The following BPHL variants were observed in gnomAD, a reference collection of about 807,000 sequenced individuals.
The protein encoded by BPHL is serine hydrolase BPHL.
Under a neutral mutation model 31.2 loss-of-function variants are expected in BPHL, and 27 were observed. The observed-to-expected ratio is 0.87, with a 90% confidence interval of 0.64 to 1.19. The LOEUF is 1.19. Ranked by LOEUF, BPHL falls within the 50% of genes most tolerant of loss-of-function variation. BPHL has a pLI of 0.00. For synonymous variants in BPHL, 150 were observed against 146.8 expected, an observed-to-expected ratio of 1.02 and a Z score of -0.16; for missense variants, 356 against 375.7, an observed-to-expected ratio of 0.95 and a Z score of 0.43.
upstream of BPHL, chr6:3,118,624 G>A (rs1158568037): frequency 7.2e-6 from 5 of 696,930 alleles, no homozygotes; most frequent in Admixed American, 4.4e-5. Context: ...AGAGGGCGGA[G>A]CAGGATGGAG....
At chr6:3,135,903 G>T (rs1261735274) in intron 4 of BPHL, among the ~76,000 whole-genome samples, 1 of 152,196 alleles carries the variant, frequency 6.6e-6, no homozygotes, top group Non-Finnish European at 1.5e-5. Flanking sequence ...ATCATACCAG[G>T]TTGGGGCCAT....
intron 6 of BPHL, among the ~76,000 whole-genome samples, chr6:3,141,968 G>A (rs992653733): frequency 4.0e-5 from 6 of 151,840 alleles, no homozygotes; most frequent in Non-Finnish European, 7.4e-5. Flanking sequence ...GTGAGACTCC[G>A]TCTCAGAAAT....
At chr6:3,144,319 G>A (rs946467997) in intron 6 of BPHL, among the ~76,000 whole-genome samples, 2 of 151,362 alleles carry the variant, frequency 1.3e-5, no homozygotes, top group South Asian at 2.1e-4. Context: ...CACCCGCCTC[G>A]GCCTCCCAAA....
rs746715990 is a variant in BPHL at position 3,152,596 on chromosome 6, G to T, written c.*21G>T. On this transcript the variant is annotated 3_prime_UTR_variant, in exon 7 of 7. Transcript: ENST00000380379. ...AATGAGAATGCACACTCCAGTCTTG[G>T]TGGTTCCTTCGTGTGGGGCTTGATC... 1.2e-6 allele frequency: 2 copies of T among 1,603,388 alleles called. No individual in the cohort carries two copies. The highest frequency in any genetic ancestry group is 1.7e-6 in the Non-Finnish European group (2 of 1,173,468).
chr6:3,131,641 C>CTGG (rs2113756286), intron 4 of BPHL, among the ~76,000 whole-genome samples: 1 of 152,340 alleles, frequency 6.6e-6, no homozygotes, highest in East Asian at 1.9e-4. Flanking sequence ...TGCAGTTTGG[C>CTGG]TGGCCCCTCC....
intron 2 of BPHL, among the ~76,000 whole-genome samples, chr6:3,125,309 T>C (rs1056261798): frequency 6.6e-6 from 1 of 152,148 alleles, no homozygotes; most frequent in African/African-American, 2.4e-5. Context: ...CCTCCCAAAA[T>C]GCTGGGATTA....
chr6:3,131,204 C>T (rs1044420220), intron 4 of BPHL, among the ~76,000 whole-genome samples: 2 of 152,146 alleles, frequency 1.3e-5, no homozygotes, highest in East Asian at 3.9e-4. Flanking sequence ...AGGGATCCTC[C>T]TTTCCTTCCT....
intron 5 of BPHL, chr6:3,139,302 A>C (rs1324507470): frequency 6.6e-6 from 1 of 152,264 alleles, no homozygotes; most frequent in Non-Finnish European, 1.5e-5. Context: ...AATGAGTTAA[A>C]ACATGTAACT....
At chr6:3,146,050 TTC>T in intron 6 of BPHL, among the ~76,000 whole-genome samples, 1 of 35,020 alleles carries the variant, frequency 2.9e-5, no homozygotes, top group Non-Finnish European at 5.9e-5. Context: ...GGAGTGCTGG[TTC>T]GGGTTGGAGT....
chr6:3,151,908 C>A (rs947537255), intron 6 of BPHL, among the ~76,000 whole-genome samples: 1 of 152,212 alleles, frequency 6.6e-6, no homozygotes, highest in Non-Finnish European at 1.5e-5. Flanking sequence ...ATGGGCTCAC[C>A]ACCCTCACAG....
At chr6:3,142,465 C>T (rs1009875560) in intron 6 of BPHL, among the ~76,000 whole-genome samples, 6 of 152,044 alleles carry the variant, frequency 3.9e-5, no homozygotes, top group Middle Eastern at 3.2e-3. Flanking sequence ...TGATTGTATA[C>T]GTTTGCAGTG....
chr6:3,119,879 A>G (rs920117924), intron 1 of BPHL, among the ~76,000 whole-genome samples: 1 of 152,216 alleles, frequency 6.6e-6, no homozygotes, highest in African/African-American at 2.4e-5. Flanking sequence ...TAGCTCCTTT[A>G]ATTTTAGAAT....
At chr6:3,118,676 G>A, upstream of BPHL, 1 of 1,158,496 alleles carries the variant, frequency 8.6e-7, no homozygotes, top group Non-Finnish European at 1.1e-6. Context: ...TCGGGGCAGA[G>A]TGGGCCGGGT....
chr6:3,121,448 C>T (rs1180272576), intron 1 of BPHL, among the ~76,000 whole-genome samples: 1 of 151,938 alleles, frequency 6.6e-6, no homozygotes, highest in African/African-American at 2.4e-5. Context: ...TACAGGTGTG[C>T]ACCACCATGC....
At chr6:3,138,005 A>T (rs1272693326) in intron 5 of BPHL, 4 of 1,280,820 alleles carry the variant, frequency 3.1e-6, no homozygotes, top group Admixed American at 4.6e-5. Context: ...GTAACCATGA[A>T]CAATGCACAA....
At chr6:3,124,503 G>A (rs1015073922) in intron 2 of BPHL, among the ~76,000 whole-genome samples, 5 of 152,188 alleles carry the variant, frequency 3.3e-5, no homozygotes, top group African/African-American at 1.2e-4. Context: ...CCCAAAATCT[G>A]AGGATCCTCA....
At chr6:3,151,367 G>A (rs1331346496) in intron 6 of BPHL, among the ~76,000 whole-genome samples, 13 of 152,170 alleles carry the variant, frequency 8.5e-5, no homozygotes. Context: ...TGTCGTGATT[G>A]TTAGTAATAG....
rs1022046719 is a variant in BPHL at position 3,151,360 on chromosome 6, C to T, written c.789-1128C>T. ...AGTGTTAAAGTTGAATTTAGAATGT[C>T]GTGATTGTTAGTAATAGCATTACTA... On this transcript the variant is annotated intron_variant, in intron 6 of 6. Coordinates refer to ENST00000380379, the MANE Select transcript of BPHL (RefSeq NM_004332.4). Among the ~76,000 whole-genome samples, 10 of 152,228 alleles carry T rather than the reference C, an allele frequency of 6.6e-5. 1 individual carries two copies. Among genetic ancestry groups the T allele is most frequent in the South Asian group, 4.1e-4 (2 of 4,824 alleles).
At position 3,118,836 on chromosome 6, in the gene BPHL, G is replaced by C. The variant is rs1243457971; in HGVS notation, c.96G>C (p.Ala32=). The C allele has an allele frequency of 2.4e-6, 3 of 1,239,458 alleles. No homozygotes were observed. The highest frequency in any genetic ancestry group is 2.0e-6 in the Non-Finnish European group (2 of 990,166). The allele number at this position is 1,239,458 out of a possible 1,614,324, so 76.8% of individuals were successfully genotyped here. Residue 32 remains alanine, a synonymous_variant, in exon 1 of 7, where the codon GCG becomes GCC. Coordinates refer to ENST00000380379, the MANE Select transcript of BPHL (RefSeq NM_004332.4). ...PGIHVPRAGP[A]AAFGTSVTSA... is the part of the protein sequence containing the mutation. ...TCCACGTCCCACGGGCCGGACCCGCGGCCGCGTTCGGGTAATGGCGGCCAC... is the reference window on the plus strand; with the variant it reads ...TCCACGTCCCACGGGCCGGACCCGCCGCCGCGTTCGGGTAATGGCGGCCAC...
Sources: gnomAD v4.1 joint callset for allele counts (sites outside exome capture counted in the v4.1 genomes callset) on GRCh38, gnomAD v4.1.1 for gene constraint, MANE v1.5 for transcripts, NCBI Gene and HGNC (gene_info 2026-07-23, HGNC 2026-07-21) for gene names.